The following GLIS1 variants were observed in gnomAD, a reference collection of about 807,000 sequenced individuals.
GLIS1 encodes zinc finger protein GLIS1.
Under a neutral mutation model 63.8 loss-of-function variants are expected in GLIS1, and 24 were observed. That is an observed-to-expected ratio of 0.38 (90% CI 0.27 to 0.53). The LOEUF is 0.53. Among genes scored for constraint, GLIS1 ranks in the 20% least tolerant of loss-of-function variants. GLIS1 has a pLI of 0.85. For missense variants in GLIS1, 1,036 were observed against 1,074.1 expected (o/e 0.96, Z 0.50); for synonymous variants, 450 against 482.5 (o/e 0.93, Z 0.88).
At chr1:53,720,991 C>G (rs930546747) in intron 2 of GLIS1, among the ~76,000 whole-genome samples, 2 of 151,072 alleles carry the variant, frequency 1.3e-5, no homozygotes, top group Admixed American at 6.6e-5. Flanking sequence ...GAACAAGACC[C>G]CATCTCAAAA....
At position 53,520,713 on chromosome 1, in the gene GLIS1, C is replaced by T; in HGVS notation, c.1647G>A (p.Leu549=). The change falls in exon 7 of 11, where the codon CTG becomes CTA. Residue 549 remains leucine, a synonymous_variant. Transcript: ENST00000628545. ...EADVLTECLV[L]QQLHTSTQLA... ...GCTGTGTGGACGTGTGGAGCTGCTG[C>T]AGGACCAGACACTCGGTCAGGACGT... 6.2e-7 allele frequency: 1 copy of T among 1,606,282 alleles called. No homozygotes were observed. The highest frequency in any genetic ancestry group is 8.5e-7 in the Non-Finnish European group (1 of 1,177,156).
chr1:53,679,322 A>T (rs572486158), intron 2 of GLIS1, among the ~76,000 whole-genome samples: 46 of 152,328 alleles, frequency 3.0e-4, no homozygotes, highest in African/African-American at 1.1e-3. Flanking sequence ...AATAACTACA[A>T]GGCATTTCAA....
At position 53,738,015 on chromosome 1, in the gene GLIS1, G is replaced by A; in HGVS notation, c.50C>T (p.Ala17Val). Residue 17 changes from alanine (A) to valine (V), a missense_variant, in exon 2 of 11, where the codon GCC (alanine) becomes GTC (valine). By Grantham distance (64) the Ala-to-Val change is moderately conservative. This residue lies in a region of GLIS1 where 592 missense variants were observed against 593.9 expected (regional missense o/e 1.00). Transcript: ENST00000628545. ...EAHSDKRPKE[A>V]PGAPGPDRGP... The stretch of plus-strand genomic sequence containing the variant: ...GCGGTCGGGGCCGGGCGCACCAGGG[G>A]CCTCCTTAGGCCTCTTGTCCGAGTG... 1 of 1,230,628 alleles carries A rather than the reference G, an allele frequency of 8.1e-7. No individual in the cohort carries two copies. The highest frequency in any genetic ancestry group is 1.0e-6 in the Non-Finnish European group (1 of 987,214). The allele number at this position is 1,230,628 out of a possible 1,614,324, so 76.2% of individuals were successfully genotyped here.
chr1:53,583,437 C>T (rs1413026631), intron 4 of GLIS1, among the ~76,000 whole-genome samples: 1 of 152,202 alleles, frequency 6.6e-6, no homozygotes, highest in Non-Finnish European at 1.5e-5. Flanking sequence ...TGCTCTGTGC[C>T]CAGCAGATGT....
At position 53,584,882 on chromosome 1, in the gene GLIS1, T is replaced by C. The variant is rs181480583; in HGVS notation, c.1320+9226A>G. On this transcript the variant is annotated intron_variant, in intron 4 of 10. Coordinates refer to ENST00000628545, the MANE Select transcript of GLIS1 (RefSeq NM_001367484.1). The stretch of plus-strand genomic sequence containing the variant: ...CATCTGTTATCCAGCAGAGACAGAG[T>C]CTATAAATTCTCAGTTACGAAGTTT... 2.1e-3 allele frequency among the ~76,000 whole-genome samples: 316 copies of C among 152,214 alleles called. 3 individuals carry two copies. Among genetic ancestry groups the C allele is most frequent in the Admixed American group, 0.017 (266 of 15,292 alleles).
intron 2 of GLIS1, among the ~76,000 whole-genome samples, chr1:53,648,706 T>C (rs1430278098): frequency 6.6e-6 from 1 of 151,966 alleles, no homozygotes; most frequent in South Asian, 2.1e-4. Flanking sequence ...AGAAACATAA[T>C]GTTGAGTGAA....
At chr1:53,731,654 T>G (rs1206602050) in intron 2 of GLIS1, among the ~76,000 whole-genome samples, 1 of 152,190 alleles carries the variant, frequency 6.6e-6, no homozygotes, top group Non-Finnish European at 1.5e-5. Flanking sequence ...ATCTTTAAAA[T>G]TAGAACAGTG....
At chr1:53,640,556 G>A (rs953779991) in intron 2 of GLIS1, among the ~76,000 whole-genome samples, 4 of 152,142 alleles carry the variant, frequency 2.6e-5, no homozygotes, top group African/African-American at 4.8e-5. Flanking sequence ...TAGGGTGGCT[G>A]TTTAGAGTCT....
At chr1:53,723,990 G>C (rs1646781836) in intron 2 of GLIS1, among the ~76,000 whole-genome samples, 1 of 152,240 alleles carries the variant, frequency 6.6e-6, no homozygotes, top group South Asian at 2.1e-4. Context: ...CCACCCACCA[G>C]GTCTGGCCAC....
intron 2 of GLIS1, among the ~76,000 whole-genome samples, chr1:53,665,195 G>A (rs1646078158): frequency 6.6e-6 from 1 of 152,166 alleles, no homozygotes; most frequent in African/African-American, 2.4e-5. Context: ...GATTTGGCCT[G>A]TGTTGTCAGG....
At position 53,646,942 on chromosome 1, in the gene GLIS1, A is replaced by AAAGGG. The variant is rs138416880; in HGVS notation, c.260-46669_260-46665dup. 8.8e-6 allele frequency among the ~76,000 whole-genome samples: 1 copy of AAAGGG among 113,926 alleles called. No homozygotes were observed. The highest frequency in any genetic ancestry group is 1.8e-5 in the Non-Finnish European group (1 of 54,808). 74.7% of individuals were successfully genotyped at this position (113,926 alleles called of 152,430 possible). A position where few individuals can be genotyped will look rare whatever the true frequency, so the allele number is the denominator to read the frequency against. The stretch of plus-strand genomic sequence containing the variant: ...GAAGGAAGGAAGGAAAGAAGGAAGG[A>AAAGGG]AAGGGAAGGGAAGGGAAGGAAAGGA... On this transcript the variant is annotated intron_variant, in intron 2 of 10. Transcript: ENST00000628545. The surrounding 1 kb of genome is among the most constrained non-coding windows in gnomAD (Gnocchi z 4.2).
intron 2 of GLIS1, among the ~76,000 whole-genome samples, chr1:53,666,476 C>T (rs1212810258): frequency 6.6e-6 from 1 of 152,060 alleles, no homozygotes; most frequent in Admixed American, 6.6e-5. Context: ...ATTTAGAGTC[C>T]CCAAATTCCA....
Position 53,594,872 on chromosome 1 carries a change from G to A in GLIS1, c.556C>T (p.His186Tyr). Residue 186 changes from histidine to tyrosine, a missense_variant, in exon 4 of 11, where the codon CAC (histidine) becomes TAC (tyrosine). His to Tyr is a moderately conservative substitution (Grantham distance 83, BLOSUM62 2). Transcript: ENST00000628545. ...CCAGTGGCCAGCGGGCCCCGACAGTGGGCAGACAGGGATGTGCGGGCCTCT... is the reference window on the plus strand; with the variant it reads ...CCAGTGGCCAGCGGGCCCCGACAGTAGGCAGACAGGGATGTGCGGGCCTCT... ...MAEARTSLSAHCRGPLATGLH... is the reference protein window; with the variant it reads ...MAEARTSLSAYCRGPLATGLH... 6.4e-7 allele frequency: 1 copy of A among 1,574,082 alleles called. No homozygotes were observed. The highest frequency in any genetic ancestry group is 1.8e-5 in the Admixed American group (1 of 55,144).
At chr1:53,553,968 T>A (rs2100411837) in intron 4 of GLIS1, among the ~76,000 whole-genome samples, 2 of 152,140 alleles carry the variant, frequency 1.3e-5, no homozygotes, top group Admixed American at 1.3e-4. Flanking sequence ...GGGACAGGGC[T>A]CCCTAAGATG....
intron 5 of GLIS1, among the ~76,000 whole-genome samples, chr1:53,525,706 C>A (rs981360098): frequency 1.3e-5 from 2 of 151,884 alleles, no homozygotes; most frequent in Non-Finnish European, 2.9e-5. Flanking sequence ...CCTTTGAAAC[C>A]CCTTGGTGGC....
intron 2 of GLIS1, among the ~76,000 whole-genome samples, chr1:53,656,743 A>C (rs1645970172): frequency 6.6e-6 from 1 of 152,138 alleles, no homozygotes; most frequent in Non-Finnish European, 1.5e-5. Flanking sequence ...GAAGTTAAGG[A>C]ATGTGTTGTG....
intron 4 of GLIS1, among the ~76,000 whole-genome samples, chr1:53,561,491 C>T (rs549324108): frequency 4.7e-4 from 71 of 152,316 alleles, no homozygotes; most frequent in Admixed American, 4.4e-3. Flanking sequence ...TGTTGGCGGA[C>T]CAGGGCCTTA....
chr1:53,601,812 A>G (rs142415180), intron 2 of GLIS1, among the ~76,000 whole-genome samples: 162 of 152,250 alleles, frequency 1.1e-3, no homozygotes, highest in African/African-American at 3.7e-3. Context: ...CCTCAACCCT[A>G]ATTCTAGCCC....
intron 10 of GLIS1, among the ~76,000 whole-genome samples, chr1:53,508,129 T>C (rs1336426610): frequency 6.8e-6 from 1 of 147,504 alleles, no homozygotes; most frequent in Admixed American, 6.7e-5. Context: ...ACAGATGGGG[T>C]TCACGGACAT....
Sources: allele counts gnomAD v4.1 joint callset (sites outside exome capture counted in the v4.1 genomes callset), GRCh38; gene constraint gnomAD v4.1.1; regional missense constraint gnomAD v4.1.1; non-coding constraint Gnocchi (gnomAD v3.1); transcripts MANE v1.5; gene names NCBI Gene and HGNC (gene_info 2026-07-23, HGNC 2026-07-21).